NFATC1: variants seen among roughly 807,000 people sequenced by gnomAD.
The protein encoded by NFATC1 is nuclear factor of activated T-cells, cytoplasmic 1.
A neutral mutation model predicts 76.0 loss-of-function variants in NFATC1; 22 were observed. That is an observed-to-expected ratio of 0.29 (90% CI 0.21 to 0.41). The LOEUF (loss-of-function observed/expected upper bound fraction) is 0.41, where lower values mean the gene tolerates loss of function less well. Among genes scored for constraint, NFATC1 ranks in the 10% least tolerant of loss-of-function variants. The probability of loss-of-function intolerance (pLI) is 1.00; values close to 1 mark genes in which losing one functional copy is unlikely to be tolerated. For synonymous variants in NFATC1, 704 were observed against 613.1 expected (o/e 1.15, Z -2.19); for missense variants, 1,357 against 1,337.7 (o/e 1.01, Z -0.23).
chr18:79,424,779 C>G (rs543927492), intron 2 of NFATC1, among the ~76,000 whole-genome samples: 2 of 135,918 alleles, frequency 1.5e-5, no homozygotes, highest in African/African-American at 5.2e-5. Flanking sequence ...CTCTCTCTGT[C>G]TCTCTGTCTC....
In NFATC1 at chr18:79,465,041, C is replaced by T. The variant is rs563504653; in HGVS notation, c.1960-2409C>T. On this transcript the variant is annotated intron_variant, in intron 7 of 9. Coordinates refer to ENST00000427363, the MANE Select transcript of NFATC1 (RefSeq NM_001278669.2). The surrounding 1 kb of genome is among the most constrained non-coding windows in gnomAD (Gnocchi z 4.2). ...GTGAACAAAATGGGATGTGCTGTGT[C>T]TACGGTTTTTGTACTTTCTATAAGT... is the stretch of plus-strand genomic sequence containing the variant. Among the ~76,000 whole-genome samples the T allele has an allele frequency of 6.6e-6, 1 of 152,100 alleles. No individual in the cohort carries two copies. The highest frequency in any genetic ancestry group is 2.1e-4 in the South Asian group (1 of 4,808).
chr18:79,448,659 T>C (rs1456044130), intron 3 of NFATC1, 123 bp from the exon 4 acceptor site: 1 of 895,686 alleles, frequency 1.1e-6, no homozygotes, highest in Non-Finnish European at 1.7e-6. Context: ...GGCAGAGAAA[T>C]AAAAAGGGGG....
intron 6 of NFATC1, among the ~76,000 whole-genome samples, chr18:79,458,331 T>TGGGGAGCAGGGCAGGAGACGCCGC (rs2087855589): frequency 9.3e-6 from 1 of 108,022 alleles, no homozygotes; most frequent in East Asian, 2.5e-4. Flanking sequence ...GAGGATGCTT[T>TGGGGAGCAGGGCAGGAGACGCCGC]GGGGAGCAGG....
chr18:79,413,674 G>A lies in NFATC1; in HGVS notation c.1226+2173G>A, dbSNP rs115181841. On this transcript the variant is annotated intron_variant, in intron 2 of 9. Coordinates refer to ENST00000427363, the MANE Select transcript of NFATC1 (RefSeq NM_001278669.2). ...CTGCCTCAGCCCCGGTCTTACTGTC[G>A]CAGTAAAAATGGCAGGCAGCCTTTG... Among the ~76,000 whole-genome samples, 1,314 of 152,338 alleles carry A rather than the reference G, an allele frequency of 8.6e-3. 20 individuals are homozygous for A. The highest frequency in any genetic ancestry group is 0.03 in the African/African-American group (1,227 of 41,576).
At chr18:79,507,315 G>A (rs2090139044) in intron 9 of NFATC1, among the ~76,000 whole-genome samples, 1 of 152,266 alleles carries the variant, frequency 6.6e-6, no homozygotes, top group Admixed American at 6.5e-5. Flanking sequence ...GGCAGGGAGG[G>A]AGAAGGCACA....
chr18:79,432,458 G>A (rs1470837229), intron 2 of NFATC1, among the ~76,000 whole-genome samples: 1 of 86,522 alleles, frequency 1.2e-5, no homozygotes, highest in African/African-American at 4.8e-5. Flanking sequence ...GCCCACGCAG[G>A]GTCTTGCACC....
At chr18:79,437,319 A>G (rs2086814666) in intron 3 of NFATC1, among the ~76,000 whole-genome samples, 1 of 152,224 alleles carries the variant, frequency 6.6e-6, no homozygotes, top group African/African-American at 2.4e-5. Flanking sequence ...CCCTGGTAGA[A>G]CAAGTGACTC....
At chr18:79,407,286 T>C (rs2148167478) in intron 1 of NFATC1, among the ~76,000 whole-genome samples, 1 of 152,272 alleles carries the variant, frequency 6.6e-6, no homozygotes, top group East Asian at 1.9e-4. Flanking sequence ...GGGTGGTCAG[T>C]CCCAGAGCTG....
At chr18:79,459,138 C>T (rs566610261) in intron 6 of NFATC1, among the ~76,000 whole-genome samples, 14 of 152,348 alleles carry the variant, frequency 9.2e-5, no homozygotes, top group South Asian at 2.1e-4. Context: ...GAAGTCTAAG[C>T]GTATCTGCTC....
intron 9 of NFATC1, among the ~76,000 whole-genome samples, chr18:79,519,470 C>T (rs1304933984): frequency 2.6e-5 from 4 of 152,108 alleles, no homozygotes; most frequent in African/African-American, 9.7e-5. Context: ...GTAGCTGGGA[C>T]CACAGGTGCA....
At chr18:79,421,258 T>A (rs963973594) in intron 2 of NFATC1, 3 of 152,370 alleles carry the variant, frequency 2.0e-5, no homozygotes, top group African/African-American at 7.2e-5. Context: ...CTCCTCTCCC[T>A]CTGCACAGGC....
chr18:79,431,992 T>C (rs536900325), intron 2 of NFATC1, among the ~76,000 whole-genome samples: 4 of 152,328 alleles, frequency 2.6e-5, no homozygotes, highest in South Asian at 2.1e-4. Flanking sequence ...TGAGCCACCA[T>C]GCCCGGCCCT....
chr18:79,512,066 G>A (rs538165726), intron 9 of NFATC1, among the ~76,000 whole-genome samples: 7 of 152,232 alleles, frequency 4.6e-5, no homozygotes, highest in South Asian at 2.1e-4. Context: ...CCTTGTCTCC[G>A]GCCCAAGCGA....
chr18:79,485,529 G>A (rs928885602), intron 8 of NFATC1, among the ~76,000 whole-genome samples: 1 of 152,240 alleles, frequency 6.6e-6, no homozygotes, highest in Non-Finnish European at 1.5e-5. Flanking sequence ...AGCCGGTGTC[G>A]GCTCTGGCCC....
intron 1 of NFATC1, among the ~76,000 whole-genome samples, chr18:79,399,686 C>T (rs1326770434): frequency 2.6e-5 from 4 of 152,182 alleles, no homozygotes; most frequent in Non-Finnish European, 5.9e-5. Flanking sequence ...GGGTTTCCCG[C>T]GGGGCGGGGG....
At chr18:79,522,586 G>C (rs1045081447) in intron 9 of NFATC1, among the ~76,000 whole-genome samples, 1 of 151,948 alleles carries the variant, frequency 6.6e-6, no homozygotes, top group Non-Finnish European at 1.5e-5. Context: ...GTTAAAAGGC[G>C]CACACCGCAG....
At chr18:79,511,730 G>A (rs113892200) in intron 9 of NFATC1, among the ~76,000 whole-genome samples, 9,250 of 152,150 alleles carry the variant, frequency 0.061, 410 homozygotes, top group Admixed American at 0.096. Flanking sequence ...AGCTGCCTGC[G>A]TGGTTTCGAG....
chr18:79,432,303 C>T (rs2086617519), intron 2 of NFATC1, among the ~76,000 whole-genome samples: 1 of 151,970 alleles, frequency 6.6e-6, no homozygotes, highest in Non-Finnish European at 1.5e-5. Flanking sequence ...GGAGCCCCGG[C>T]CCACGGTGCT....
At chr18:79,509,521 C>T (rs1600962550) in intron 9 of NFATC1, among the ~76,000 whole-genome samples, 1 of 152,242 alleles carries the variant, frequency 6.6e-6, no homozygotes, top group Non-Finnish European at 1.5e-5. Context: ...CGCGCAGTGC[C>T]ATGCCGTGGG....
Sources: gnomAD v4.1 joint callset for allele counts (sites outside exome capture counted in the v4.1 genomes callset) on GRCh38, gnomAD v4.1.1 for gene constraint, Gnocchi (gnomAD v3.1) non-coding constraint, MANE v1.5 for transcripts, NCBI Gene and HGNC (gene_info 2026-07-23, HGNC 2026-07-21) for gene names.